Variants in PDE6G observed in about 807,000 individuals in gnomAD.
The protein encoded by PDE6G is rod cGMP 3',5'-cyclic phosphodiesterase subunit gamma.
PDE6G carries 10 observed loss-of-function variants against 10.9 expected under a neutral mutation model. That is an observed-to-expected ratio of 0.91 (90% confidence interval 0.56 to 1.55). The LOEUF (loss-of-function observed/expected upper bound fraction) is 1.55. PDE6G is among the 40% of genes most tolerant of loss of function. The probability of loss-of-function intolerance (pLI) is 0.00; values close to 1 mark genes in which losing one functional copy is unlikely to be tolerated. For missense variants in PDE6G, 102 were observed against 110.1 expected (o/e 0.93, Z 0.33); for synonymous variants, 41 against 42.8 (o/e 0.96, Z 0.16).
upstream of PDE6G, among the ~76,000 whole-genome samples, chr17:81,658,763 C>T (rs944598858): frequency 7.2e-5 from 11 of 151,914 alleles, no homozygotes; most frequent in South Asian, 1.0e-3. Context: ...ATCGCTTGAA[C>T]CCAGGAGGTG....
chr17:81,656,989 G>T, upstream of PDE6G: 1 of 248,056 alleles, frequency 4.0e-6, no homozygotes. Context: ...ACCCCCCCCC[G>T]CCCTTAGGGG....
chr17:81,654,926 T>C (rs1157675351), intron 1 of PDE6G, among the ~76,000 whole-genome samples: 5 of 151,706 alleles, frequency 3.3e-5, no homozygotes, highest in Non-Finnish European at 5.9e-5. Flanking sequence ...TTATTTTTTT[T>C]TTTGTATTTT....
chr17:81,659,501 C>T (rs1451847997), upstream of PDE6G, among the ~76,000 whole-genome samples: 5 of 151,128 alleles, frequency 3.3e-5, no homozygotes, highest in African/African-American at 4.9e-5. Context: ...AGGGAGGCTG[C>T]GGCAGGAGAA....
At position 81,650,761 on chromosome 17, in the gene PDE6G, G is replaced by C. The variant is rs1338816828; in HGVS notation, c.*313C>G. The C allele has an allele frequency of 2.0e-6, 1 of 489,736 alleles. No homozygotes were observed. The highest frequency in any genetic ancestry group is 4.0e-6 in the Non-Finnish European group (1 of 249,556). 30.3% of individuals were successfully genotyped at this position (489,736 alleles called of 1,614,324 possible). On this transcript the variant is annotated 3_prime_UTR_variant, in exon 4 of 4. Coordinates refer to ENST00000331056, the MANE Select transcript of PDE6G (RefSeq NM_002602.4). ...GATCTGGGGTCCAGCAGGCTCCCGG[G>C]CTGGGGTCCACTTCCCGTTCTCCCT...
rs2036408208 is a variant in PDE6G, at chr17:81,653,882, C to A, written c.-59-518G>T. On this transcript the variant is annotated intron_variant, in intron 1 of 3. Coordinates refer to ENST00000331056, the MANE Select transcript of PDE6G (RefSeq NM_002602.4). The surrounding 1 kb of genome is among the most constrained non-coding windows in gnomAD (Gnocchi z 5.2). ...CTGGAGTGCAGTGGCACTATCTCGGCTCACTGCAACCTCCGCCTCCCGGGT... is the reference window on the plus strand; with the variant it reads ...CTGGAGTGCAGTGGCACTATCTCGGATCACTGCAACCTCCGCCTCCCGGGT... Among the ~76,000 whole-genome samples, 1 of 152,170 alleles carries A rather than the reference C, an allele frequency of 6.6e-6. No individual in the cohort carries two copies.
At chr17:81,660,697 G>T (rs115224162), upstream of PDE6G, among the ~76,000 whole-genome samples, 1,997 of 152,210 alleles carry the variant, frequency 0.013, 64 homozygotes, top group African/African-American at 0.046. Context: ...TCACTATGTT[G>T]CCCAGGGTGG....
Position 81,651,548 on chromosome 17 carries a change from G to T in PDE6G, c.187+97C>A. The T allele has an allele frequency of 3.7e-6, 4 of 1,088,248 alleles. No homozygotes were observed. The East Asian group carries it at 7.2e-5, about 20-fold the overall frequency. 67.4% of individuals were successfully genotyped at this position (1,088,248 alleles called of 1,614,324 possible). The stretch of plus-strand genomic sequence containing the variant: ...GGGTCCCTAAGTGAAAAGCAGGGGA[G>T]GTGGGGGCCGAGGTGGGCTGCAATG... On this transcript the variant is annotated intron_variant, in intron 3 of 3. Transcript: ENST00000331056. The surrounding 1 kb of genome is among the most constrained non-coding windows in gnomAD (Gnocchi z 4.8).
upstream of PDE6G, among the ~76,000 whole-genome samples, chr17:81,660,677 A>C (rs984894987): frequency 6.6e-6 from 1 of 152,152 alleles, no homozygotes; most frequent in Non-Finnish European, 1.5e-5. Context: ...TTTTTTGTAA[A>C]GATAGAGTCT....
chr17:81,657,331 C>T (rs143273344), upstream of PDE6G, among the ~76,000 whole-genome samples: 1 of 136,816 alleles, frequency 7.3e-6, no homozygotes, highest in Non-Finnish European at 1.6e-5. Context: ...TCCTGAGGGG[C>T]CTGGAGGAGG....
At chr17:81,656,217 C>T (rs2036444891) in intron 1 of PDE6G, among the ~76,000 whole-genome samples, 1 of 152,220 alleles carries the variant, frequency 6.6e-6, no homozygotes, top group Non-Finnish European at 1.5e-5. Context: ...CTGGCGTCCA[C>T]TCAGGTCAGC....
chr17:81,653,088 G>T lies in PDE6G; in HGVS notation c.146+72C>A. The T allele has an allele frequency of 8.1e-7, 1 of 1,230,182 alleles. No homozygotes were observed. The highest frequency in any genetic ancestry group is 1.1e-6 in the Non-Finnish European group (1 of 881,944). 76.2% of individuals were successfully genotyped at this position (1,230,182 alleles called of 1,614,324 possible). On this transcript the variant is annotated intron_variant, in intron 2 of 3. Transcript: ENST00000331056. This position sits in a 1 kb window ranked among gnomAD's most constrained non-coding sequence, Gnocchi z 5.2. Reference sequence around the variant, plus strand: ...GTGAAGTGGCCCCAGGCTCTGCCCCGCCCTCCCCTTCCTGTGCAGCCTCAG... The same window carrying T: ...GTGAAGTGGCCCCAGGCTCTGCCCCTCCCTCCCCTTCCTGTGCAGCCTCAG...
chr17:81,650,637 G>C lies in PDE6G; in HGVS notation c.*437C>G, dbSNP rs1402921420. The C allele has an allele frequency of 2.2e-6, 1 of 454,864 alleles. No individual in the cohort carries two copies. The highest frequency in any genetic ancestry group is 2.0e-5 in the African/African-American group (1 of 50,026). The allele number at this position is 454,864 out of a possible 1,614,324, so 28.2% of individuals were successfully genotyped here. On this transcript the variant is annotated 3_prime_UTR_variant, in exon 4 of 4. Transcript: ENST00000331056. Reference sequence around the variant, plus strand: ...CCCCCTGGGAAGGGATGCAGAGACGGGGAGCTTCTCTGTATCCCCTTACAG... The same window carrying C: ...CCCCCTGGGAAGGGATGCAGAGACGCGGAGCTTCTCTGTATCCCCTTACAG...
At position 81,651,662 on chromosome 17, in the gene PDE6G, A is replaced by C; in HGVS notation, c.170T>G (p.Met57Arg). The C allele has an allele frequency of 1.9e-6, 3 of 1,614,014 alleles. No individual in the cohort carries two copies. The highest frequency in any genetic ancestry group is 1.7e-6 in the Non-Finnish European group (2 of 1,179,946). ...CGTCATACCTGTTCCCAGGCCTTCC[A>C]TTCCAGGGATGTCGTCCCCAAACCT... ...VQGFGDDIPG[M>R]EGLGTDITVI... Residue 57 changes from methionine (M) to arginine (R), a missense_variant, in exon 3 of 4, where the codon ATG (methionine) becomes AGG (arginine). Coordinates refer to ENST00000331056, the MANE Select transcript of PDE6G (RefSeq NM_002602.4). This position sits in a 1 kb window ranked among gnomAD's most constrained non-coding sequence, Gnocchi z 4.8.
chr17:81,654,574 G>A (rs2036418189), intron 1 of PDE6G, among the ~76,000 whole-genome samples: 1 of 151,778 alleles, frequency 6.6e-6, no homozygotes, highest in Admixed American at 6.6e-5. Context: ...AGTACAGATG[G>A]GGTTTCACCA....
upstream of PDE6G, among the ~76,000 whole-genome samples, chr17:81,660,141 G>A (rs767676425): frequency 2.8e-4 from 42 of 152,164 alleles, no homozygotes; most frequent in Non-Finnish European, 4.7e-4. Flanking sequence ...GGCTGGGCAC[G>A]GTGGCTCACA....
chr17:81,653,285 C>T lies in PDE6G; in HGVS notation c.21G>A (p.Lys7=), dbSNP rs1056680969. The part of the protein sequence containing the change: MNLEPP[K]AEFRSATRVA... ...CCCTGGTGGCTGACCGGAACTCAGCCTTGGGCGGTTCCAGGTTCATGGTGA... is the reference window on the plus strand; with the variant it reads ...CCCTGGTGGCTGACCGGAACTCAGCTTTGGGCGGTTCCAGGTTCATGGTGA... The change falls in exon 2 of 4, where the codon AAG becomes AAA. Residue 7 remains lysine, a synonymous_variant. Transcript: ENST00000331056. The surrounding 1 kb of genome is among the most constrained non-coding windows in gnomAD (Gnocchi z 5.2). 82 of 1,613,716 alleles carry T rather than the reference C, an allele frequency of 5.1e-5. No individual in the cohort carries two copies. Among genetic ancestry groups the T allele is most frequent in the Non-Finnish European group, 6.7e-5 (79 of 1,180,018 alleles).
At position 81,656,497 on chromosome 17, in the gene PDE6G, T is replaced by A. The variant is rs563586721; in HGVS notation, c.-64A>T. 2 of 763,112 alleles carry A rather than the reference T, an allele frequency of 2.6e-6. No homozygotes were observed. The highest frequency in any genetic ancestry group is 2.3e-4 in the Middle Eastern group (1 of 4,376). 47.3% of individuals were successfully genotyped at this position (763,112 alleles called of 1,614,324 possible). ...GCGGGGTTGGCCACTACTCACCAAGTGCAGGGCGGGTCTCAGGGGGCTGTG... is the reference window on the plus strand; with the variant it reads ...GCGGGGTTGGCCACTACTCACCAAGAGCAGGGCGGGTCTCAGGGGGCTGTG... On this transcript the variant is annotated 5_prime_UTR_variant, in exon 1 of 4. Coordinates refer to ENST00000331056, the MANE Select transcript of PDE6G (RefSeq NM_002602.4).
At chr17:81,661,858 CAAAAAA>C (rs33915100) in intron 1 of PDE6G, among the ~76,000 whole-genome samples, 6 of 65,384 alleles carry the variant, frequency 9.2e-5, no homozygotes, top group East Asian at 4.6e-4. Flanking sequence ...GACTCTGTCT[CAAAAAA>C]AAAAAAAAAA....
chr17:81,658,301 G>T (rs188800331), upstream of PDE6G, among the ~76,000 whole-genome samples: 5 of 151,788 alleles, frequency 3.3e-5, no homozygotes, highest in East Asian at 8.0e-4. Flanking sequence ...AGCCAGGATG[G>T]TCTCAATCTC....
Sources: allele counts gnomAD v4.1 joint callset (sites outside exome capture counted in the v4.1 genomes callset), GRCh38; gene constraint gnomAD v4.1.1; non-coding constraint Gnocchi (gnomAD v3.1); transcripts MANE v1.5; gene names NCBI Gene and HGNC (gene_info 2026-07-23, HGNC 2026-07-21).